Variants in NALCN observed in about 807,000 individuals in gnomAD.
NALCN encodes the protein sodium leak channel NALCN.
A neutral mutation model predicts 225.3 loss-of-function variants in NALCN; 111 were observed. The ratio of observed to expected loss-of-function variants is 0.49; its 90% confidence interval spans 0.42 to 0.58. The LOEUF is 0.58. Ranked by LOEUF, NALCN falls within the 20% of genes least tolerant of loss-of-function variation. NALCN has a pLI of 0.00. For missense variants in NALCN, 1,378 were observed against 2,202.4 expected, an observed-to-expected ratio of 0.63 and a Z score of 7.49; for synonymous variants, 764 against 769.0, an observed-to-expected ratio of 0.99 and a Z score of 0.11.
chr13:101,371,685 G>A (rs967233454), intron 6 of NALCN, among the ~76,000 whole-genome samples: 3 of 152,176 alleles, frequency 2.0e-5, no homozygotes, highest in African/African-American at 7.2e-5. Flanking sequence ...GGCACCACTT[G>A]ATTCACTTCA....
intron 18 of NALCN, among the ~76,000 whole-genome samples, chr13:101,122,540 A>G (rs898849901): frequency 2.0e-5 from 3 of 152,204 alleles, no homozygotes; most frequent in Non-Finnish European, 1.5e-5. Flanking sequence ...TTGAAAAAAC[A>G]AAAACACTTC....
intron 7 of NALCN, among the ~76,000 whole-genome samples, chr13:101,319,991 T>C (rs2044689271): frequency 6.6e-6 from 1 of 152,192 alleles, no homozygotes; most frequent in Admixed American, 6.5e-5. Context: ...TCTTCTTATG[T>C]TTCCCATGAT....
chr13:101,335,726 A>G (rs1464597903), intron 7 of NALCN, among the ~76,000 whole-genome samples: 1 of 151,520 alleles, frequency 6.6e-6, no homozygotes, highest in Non-Finnish European at 1.5e-5. Flanking sequence ...TTTTGAAAGC[A>G]TTATAAATCT....
At chr13:101,370,283 C>T (rs1000587396) in intron 6 of NALCN, among the ~76,000 whole-genome samples, 1 of 152,130 alleles carries the variant, frequency 6.6e-6, no homozygotes, top group Non-Finnish European at 1.5e-5. Context: ...CCTTCCACTA[C>T]AAACAAATAG....
intron 15 of NALCN, among the ~76,000 whole-genome samples, chr13:101,162,355 A>G (rs2038229431): frequency 6.6e-6 from 1 of 152,242 alleles, no homozygotes; most frequent in African/African-American, 2.4e-5. Context: ...TATTTGAAGA[A>G]TGGATGATAA....
In NALCN at chr13:101,059,894, T is replaced by C. The variant is rs1440315642; in HGVS notation, c.4829A>G (p.Asn1610Ser). 1.2e-6 allele frequency: 2 copies of C among 1,613,934 alleles called. No individual in the cohort carries two copies. Among genetic ancestry groups the C allele is most frequent in the Non-Finnish European group, 1.7e-6 (2 of 1,180,010 alleles). Residue 1610 changes from asparagine (N) to serine (S), a missense_variant, in exon 42 of 44, where the codon AAC becomes AGC. Coordinates refer to ENST00000251127, the MANE Select transcript of NALCN (RefSeq NM_052867.4). ...SQQQELSRFL[N>S]PPSIETTQPS... is the part of the protein sequence containing the mutation. ...CTGGGTGGTCTCGATGCTGGGCGGG[T>C]TCAGAAACCGGCTCAGCTCTTGCTG...
intron 15 of NALCN, among the ~76,000 whole-genome samples, chr13:101,149,318 G>T (rs1463172421): frequency 6.6e-6 from 1 of 151,756 alleles, no homozygotes; most frequent in Non-Finnish European, 1.5e-5. Context: ...ATTATAAAGG[G>T]ACATGTTGGA....
intron 7 of NALCN, among the ~76,000 whole-genome samples, chr13:101,294,807 A>G (rs1286037830): frequency 6.6e-6 from 1 of 152,160 alleles, no homozygotes; most frequent in African/African-American, 2.4e-5. Context: ...AGAATTTACA[A>G]TATTGTGTGC....
intron 15 of NALCN, among the ~76,000 whole-genome samples, chr13:101,168,708 G>A (rs1024619725): frequency 1.3e-5 from 2 of 152,168 alleles, no homozygotes; most frequent in Non-Finnish European, 2.9e-5. Flanking sequence ...ATGTAGGTAT[G>A]ATTATGACAC....
At chr13:101,080,619 AAATT>A (rs1445595095) in intron 34 of NALCN, among the ~76,000 whole-genome samples, 6 of 99,590 alleles carry the variant, frequency 6.0e-5, no homozygotes, top group South Asian at 3.9e-4. Context: ...ATAATCAATT[AAATT>A]AATTATTTAA....
intron 6 of NALCN, chr13:101,368,986 T>G (rs768884223): frequency 2.1e-4 from 76 of 358,036 alleles, no homozygotes; most frequent in Non-Finnish European, 1.5e-4. Flanking sequence ...AGCCTGGGTG[T>G]CAGAGTGAGA....
At chr13:101,394,091 T>C (rs1322338520) in intron 3 of NALCN, among the ~76,000 whole-genome samples, 1 of 152,162 alleles carries the variant, frequency 6.6e-6, no homozygotes, top group Admixed American at 6.5e-5. Flanking sequence ...TTTCTCAGAT[T>C]TGCTTTAAAA....
At chr13:101,374,857 A>C (rs1426183236) in intron 6 of NALCN, among the ~76,000 whole-genome samples, 1 of 152,168 alleles carries the variant, frequency 6.6e-6, no homozygotes, top group African/African-American at 2.4e-5. Flanking sequence ...ATTCACTTTT[A>C]GTTTTTAGAA....
chr13:101,310,123 T>C (rs2044288065), intron 7 of NALCN, among the ~76,000 whole-genome samples: 1 of 152,170 alleles, frequency 6.6e-6, no homozygotes, highest in Non-Finnish European at 1.5e-5. Context: ...TCGCCTGGAC[T>C]CTTAGGACAG....
At chr13:101,367,374 C>A (rs961293861) in intron 6 of NALCN, among the ~76,000 whole-genome samples, 5 of 151,922 alleles carry the variant, frequency 3.3e-5, no homozygotes, top group African/African-American at 7.2e-5. Context: ...ATAAAACTCA[C>A]ATTTTCTCTC....
At chr13:101,144,654 AAG>A (rs920715216) in intron 16 of NALCN, 104 bp downstream of exon 16, 1 of 1,166,978 alleles carries the variant, frequency 8.6e-7, no homozygotes, top group African/African-American at 1.6e-5. Flanking sequence ...ATAAAATAGA[AAG>A]AAACCCAACC....
intron 14 of NALCN, chr13:101,180,967 G>A (rs1308860148): frequency 2.3e-6 from 1 of 437,468 alleles, no homozygotes; most frequent in Non-Finnish European, 4.5e-6. Context: ...ACGCAAGTGT[G>A]AAGAAGGAGG....
In NALCN at chr13:101,140,572, T is replaced by A. The variant is rs2037027091; in HGVS notation, c.2118+2508A>T. Among the ~76,000 whole-genome samples, 2 of 152,178 alleles carry A rather than the reference T, an allele frequency of 1.3e-5. 1 individual carries two copies. The highest frequency in any genetic ancestry group is 4.1e-4 in the South Asian group (2 of 4,830). On this transcript the variant is annotated intron_variant, in intron 17 of 43. Coordinates refer to ENST00000251127, the MANE Select transcript of NALCN (RefSeq NM_052867.4). ...CCCAGACTTCTGGCTTACAATCTGC[T>A]TTGGAAACAAAACAAAACAAAACAA...
intron 14 of NALCN, among the ~76,000 whole-genome samples, chr13:101,191,340 G>A (rs2039671048): frequency 6.6e-6 from 1 of 152,200 alleles, no homozygotes; most frequent in Non-Finnish European, 1.5e-5. Context: ...CTGCTTGTGT[G>A]ACAGAAGTCG....
Sources: gnomAD v4.1 joint callset for allele counts (sites outside exome capture counted in the v4.1 genomes callset) on GRCh38, gnomAD v4.1.1 for gene constraint, MANE v1.5 for transcripts, NCBI Gene and HGNC (gene_info 2026-07-23, HGNC 2026-07-21) for gene names.